The following LSAMP variants were observed in gnomAD, a reference collection of about 807,000 sequenced individuals.
LSAMP encodes limbic system-associated membrane protein.
A neutral mutation model predicts 38.6 loss-of-function variants in LSAMP; 7 were observed. That is an observed-to-expected ratio of 0.18 (90% CI 0.10 to 0.34). LSAMP has a LOEUF of 0.34. Ranked by LOEUF, LSAMP falls within the 10% of genes least tolerant of loss-of-function variation. LSAMP has a pLI of 1.00. For missense variants in LSAMP, 313 were observed against 420.0 expected, an observed-to-expected ratio of 0.75 and a Z score of 2.23; for synonymous variants, 154 against 166.8, an observed-to-expected ratio of 0.92 and a Z score of 0.59.
At chr3:116,293,536 C>A (rs942691366) in intron 1 of LSAMP, among the ~76,000 whole-genome samples, 35 of 152,024 alleles carry the variant, frequency 2.3e-4, no homozygotes, top group African/African-American at 7.2e-4. Context: ...TGAATTTAGT[C>A]GCAGACAGTT....
At chr3:115,917,283 C>T (rs760734744) in intron 3 of LSAMP, among the ~76,000 whole-genome samples, 10 of 152,184 alleles carry the variant, frequency 6.6e-5, no homozygotes, top group African/African-American at 9.6e-5. Context: ...TTGCAAGCAA[C>T]CTTTCCCTTT....
intron 6 of LSAMP, among the ~76,000 whole-genome samples, chr3:115,819,507 A>C (rs181314561): frequency 2.5e-4 from 38 of 152,188 alleles, no homozygotes; most frequent in African/African-American, 8.7e-4. Flanking sequence ...GCCTGCGTTA[A>C]CCTGTCACTG....
At chr3:116,154,340 G>T (rs1438746824) in intron 1 of LSAMP, among the ~76,000 whole-genome samples, 1 of 152,036 alleles carries the variant, frequency 6.6e-6, no homozygotes, top group South Asian at 2.1e-4. Context: ...AATAACAAAA[G>T]TTGGAACACA....
rs542256287 is a variant in LSAMP at position 115,807,313 on chromosome 3, T to G, written c.*3004A>C. 19 of 152,314 alleles carry G rather than the reference T, an allele frequency of 1.2e-4. No individual in the cohort carries two copies. The East Asian group carries it at 2.5e-3, about 20-fold the overall frequency. The allele number at this position is 152,314 out of a possible 1,614,324, so 9.4% of individuals were successfully genotyped here. On this transcript the variant is annotated 3_prime_UTR_variant, in exon 7 of 7. Coordinates refer to ENST00000490035, the MANE Select transcript of LSAMP (RefSeq NM_002338.5). ...AATCCTATGAAATTTCTGGGGACAA[T>G]GTTTTCTCTGAAACAGGAACCAGAA... is the stretch of plus-strand genomic sequence containing the variant.
At chr3:115,958,702 C>G (rs1178693913) in intron 3 of LSAMP, among the ~76,000 whole-genome samples, 1 of 152,128 alleles carries the variant, frequency 6.6e-6, no homozygotes, top group Non-Finnish European at 1.5e-5. Flanking sequence ...ATTGCTTGAA[C>G]ATATGGCAGA....
chr3:116,271,331 T>C (rs2046969614), intron 1 of LSAMP, among the ~76,000 whole-genome samples: 1 of 152,070 alleles, frequency 6.6e-6, no homozygotes, highest in Non-Finnish European at 1.5e-5. Context: ...GCTTCTCTTG[T>C]AGACTAACTA....
At chr3:116,234,623 A>T (rs9828943) in intron 1 of LSAMP, among the ~76,000 whole-genome samples, 109,299 of 151,922 alleles carry the variant, frequency 0.72, 40,813 homozygotes, top group South Asian at 0.84. Context: ...TAGAAAACTT[A>T]AAAAAAATTA....
intron 1 of LSAMP, among the ~76,000 whole-genome samples, chr3:116,201,851 T>A (rs972958868): frequency 6.6e-6 from 1 of 152,144 alleles, no homozygotes; most frequent in Non-Finnish European, 1.5e-5. Flanking sequence ...AACAATAGAT[T>A]TATTCAGTCC....
At chr3:116,122,124 G>T (rs1036073421) in intron 1 of LSAMP, among the ~76,000 whole-genome samples, 13 of 152,074 alleles carry the variant, frequency 8.5e-5, no homozygotes, top group Non-Finnish European at 1.6e-4. Flanking sequence ...GAGAACAATA[G>T]GGGAAGGCTA....
At chr3:116,214,785 G>A (rs948830634) in intron 1 of LSAMP, among the ~76,000 whole-genome samples, 1 of 152,262 alleles carries the variant, frequency 6.6e-6, no homozygotes, top group East Asian at 1.9e-4. Context: ...TTACAGGTGT[G>A]AGTCACCACA....
At chr3:115,861,091 CTCTCTCCCTCTTTCCTCCCCTCCCTCCT>C (rs1935667161) in intron 3 of LSAMP, among the ~76,000 whole-genome samples, 1 of 117,242 alleles carries the variant, frequency 8.5e-6, no homozygotes, top group Non-Finnish European at 1.8e-5. Flanking sequence ...CCTCCCCTCC[CTCTCTCCCTCTTTCCTCCCCTCCCTCCT>C]TCCTTCTTTC....
intron 1 of LSAMP, among the ~76,000 whole-genome samples, chr3:116,162,427 T>TA (rs1709909385): frequency 1.3e-5 from 2 of 152,102 alleles, no homozygotes. Context: ...CTGATGATGT[T>TA]AGGATATAGT....
intron 3 of LSAMP, among the ~76,000 whole-genome samples, chr3:115,997,713 GATATATAT>G (rs376845636): frequency 0.012 from 1,070 of 91,632 alleles, 12 homozygotes; most frequent in African/African-American, 0.023. Context: ...GACATTTTGG[GATATATAT>G]ATATATATAT....
At chr3:116,437,534 C>T (rs1373853207) in intron 1 of LSAMP, among the ~76,000 whole-genome samples, 1 of 151,936 alleles carries the variant, frequency 6.6e-6, no homozygotes, top group Non-Finnish European at 1.5e-5. Flanking sequence ...CCAGCACTAA[C>T]TGGATGATCC....
chr3:116,386,833 T>G (rs2048632297), intron 1 of LSAMP, among the ~76,000 whole-genome samples: 1 of 152,146 alleles, frequency 6.6e-6, no homozygotes, highest in Non-Finnish European at 1.5e-5. Context: ...AGGGAAGCCT[T>G]AATGGAAGAA....
At chr3:115,937,521 G>A (rs1235273831) in intron 3 of LSAMP, among the ~76,000 whole-genome samples, 1 of 151,108 alleles carries the variant, frequency 6.6e-6, no homozygotes, top group Non-Finnish European at 1.5e-5. Flanking sequence ...CACACCCATG[G>A]TCCCAGCTAC....
At chr3:116,192,581 G>A (rs1385209781) in intron 1 of LSAMP, among the ~76,000 whole-genome samples, 2 of 152,204 alleles carry the variant, frequency 1.3e-5, no homozygotes, top group Non-Finnish European at 1.5e-5. Context: ...GAGAGAATAA[G>A]TTGGAAGATG....
chr3:116,137,415 T>C (rs1709274700), intron 1 of LSAMP, among the ~76,000 whole-genome samples: 2 of 152,126 alleles, frequency 1.3e-5, no homozygotes, highest in African/African-American at 4.8e-5. Context: ...TTTTAACAAG[T>C]AATAAACATT....
At chr3:115,895,086 A>C (rs1248360232) in intron 3 of LSAMP, among the ~76,000 whole-genome samples, 1 of 152,108 alleles carries the variant, frequency 6.6e-6, no homozygotes, top group Non-Finnish European at 1.5e-5. Flanking sequence ...CTGTTAAAAA[A>C]TTCTTGCTAT....
Sources: allele counts gnomAD v4.1 joint callset (sites outside exome capture counted in the v4.1 genomes callset), GRCh38; gene constraint gnomAD v4.1.1; transcripts MANE v1.5; gene names NCBI Gene and HGNC (gene_info 2026-07-23, HGNC 2026-07-21).